Variants in FAAH2 observed in about 807,000 individuals in gnomAD.
The protein encoded by FAAH2 is fatty-acid amide hydrolase 2.
FAAH2 carries 60 observed loss-of-function variants against 36.9 expected under a neutral mutation model. That is an observed-to-expected ratio of 1.63 (90% CI 1.32 to 2.02). The LOEUF (loss-of-function observed/expected upper bound fraction) is 2.02, where lower values mean the gene tolerates loss of function less well. FAAH2 is among the 30% of genes most tolerant of loss of function. FAAH2 has a pLI of 0.00. For missense variants in FAAH2, 689 were observed against 397.5 expected (o/e 1.73, Z -6.23); for synonymous variants, 214 against 143.8 (o/e 1.49, Z -3.49).
intron 10 of FAAH2, 61 bp from the exon 11 acceptor site, chrX:57,488,696 G>GA (rs1167408180): frequency 1.6e-5 from 18 of 1,098,061 alleles, no homozygotes; most frequent in South Asian, 6.3e-5. Flanking sequence ...TAAAATAATT[G>GA]AAAAAATACG....
the FAAH2 span, among the ~76,000 whole-genome samples, chrX:57,218,807 C>T: frequency 9.0e-6 from 1 of 111,709 alleles, no homozygotes; most frequent in Non-Finnish European, 1.9e-5. Context: ...TGGTAGAATT[C>T]TGCTGTGAAT....
At chrX:57,237,456 T>G in the FAAH2 span, among the ~76,000 whole-genome samples, 1 of 111,414 alleles carries the variant, frequency 9.0e-6, no homozygotes, top group Non-Finnish European at 1.9e-5. Flanking sequence ...TAACTCAATT[T>G]TATACTATAT....
intron 8 of FAAH2, among the ~76,000 whole-genome samples, chrX:57,437,031 C>T (rs755641459): frequency 3.1e-4 from 34 of 110,495 alleles, no homozygotes; most frequent in African/African-American, 9.5e-4. Flanking sequence ...AGATAATACG[C>T]CATAAACAAG....
intron 7 of FAAH2, among the ~76,000 whole-genome samples, chrX:57,431,414 T>A (rs915091320): frequency 1.8e-5 from 2 of 111,804 alleles, no homozygotes; most frequent in Non-Finnish European, 3.8e-5. Context: ...TGCAATAGCT[T>A]CCACCACTGC....
At chrX:57,398,022 G>A (rs748610994) in intron 7 of FAAH2, among the ~76,000 whole-genome samples, 2 of 111,216 alleles carry the variant, frequency 1.8e-5, no homozygotes, top group Admixed American at 1.9e-4. Context: ...CCCTACAAAG[G>A]ACATGAACTC....
intron 5 of FAAH2, among the ~76,000 whole-genome samples, chrX:57,347,812 C>T (rs1303324971): frequency 9.2e-6 from 1 of 108,830 alleles, no homozygotes; most frequent in Non-Finnish European, 1.9e-5. Flanking sequence ...GGATTTTTGC[C>T]TTGGGTTTCT....
chrX:57,233,097 A>C, the FAAH2 span, among the ~76,000 whole-genome samples: 1 of 112,073 alleles, frequency 8.9e-6, no homozygotes, highest in East Asian at 2.8e-4. Context: ...AACCAGGTCT[A>C]TGGTATTATG....
At chrX:57,347,604 GTTTTTTTTTTTTTTTTTT>G (rs61323098) in intron 5 of FAAH2, among the ~76,000 whole-genome samples, 26 of 77,879 alleles carry the variant, frequency 3.3e-4, no homozygotes, top group African/African-American at 1.5e-3. Context: ...GGGATGCTAA[GTTTTTTTTTTTTTTTTTT>G]TTTTTTTTTT....
chrX:57,386,906 TA>T (rs1462663667), intron 7 of FAAH2, among the ~76,000 whole-genome samples: 13 of 112,069 alleles, frequency 1.2e-4, no homozygotes, highest in Admixed American at 1.1e-3. Flanking sequence ...AATAATAGTT[TA>T]AAATAGTCAC....
the FAAH2 span, among the ~76,000 whole-genome samples, chrX:57,234,807 G>A: frequency 8.9e-6 from 1 of 111,922 alleles, no homozygotes; most frequent in Non-Finnish European, 1.9e-5. Flanking sequence ...CAGCATTTGG[G>A]AGGCTGAGGT....
chrX:57,264,013 A>G, the FAAH2 span, among the ~76,000 whole-genome samples: 1 of 112,162 alleles, frequency 8.9e-6, no homozygotes, highest in African/African-American at 3.2e-5. Context: ...AAAATACTGA[A>G]ATACTAAACA....
intron 8 of FAAH2, among the ~76,000 whole-genome samples, chrX:57,433,035 G>A (rs1417763786): frequency 9.1e-6 from 1 of 109,754 alleles, no homozygotes; most frequent in Non-Finnish European, 1.9e-5. Context: ...AAACACTTTG[G>A]AAATCTCTCA....
chrX:57,488,977 G>T lies in FAAH2; in HGVS notation c.*45G>T, dbSNP rs780624039. On this transcript the variant is annotated 3_prime_UTR_variant, in exon 11 of 11. Transcript: ENST00000374900. ...AATGTGTGTGTGTGTTTGTGTTCGT[G>T]TGGTGGTGTTTCTATTAATTGGGTG... is the stretch of plus-strand genomic sequence containing the variant. 8.8e-7 allele frequency: 1 copy of T among 1,137,875 alleles called. No homozygotes were observed. Among genetic ancestry groups the T allele is most frequent in the Non-Finnish European group, 1.2e-6 (1 of 855,385 alleles). The allele number at this position is 1,137,875 out of a possible 1,213,427, so 93.8% of individuals were successfully genotyped here.
the FAAH2 span, among the ~76,000 whole-genome samples, chrX:57,200,930 G>T: frequency 1.8e-5 from 2 of 109,843 alleles, no homozygotes; most frequent in Non-Finnish European, 3.8e-5. Flanking sequence ...ACTCCCTTTG[G>T]CATTTCTCAT....
intron 7 of FAAH2, among the ~76,000 whole-genome samples, chrX:57,427,140 G>A (rs768917466): frequency 2.2e-3 from 248 of 110,587 alleles, no homozygotes; most frequent in African/African-American, 7.7e-3. Flanking sequence ...AAAACTAGAG[G>A]AAATGGATAA....
intron 2 of FAAH2, among the ~76,000 whole-genome samples, chrX:57,309,978 G>C (rs1167133711): frequency 1.8e-5 from 2 of 111,831 alleles, no homozygotes; most frequent in African/African-American, 3.2e-5. Flanking sequence ...TGGAATTTCT[G>C]GTTCTAGGTC....
At chrX:57,441,549 A>T (rs779614697) in intron 8 of FAAH2, among the ~76,000 whole-genome samples, 11 of 108,393 alleles carry the variant, frequency 1.0e-4, no homozygotes, top group Non-Finnish European at 1.7e-4. Flanking sequence ...TTTCAAAAAA[A>T]CCAGCTCCTG....
the FAAH2 span, among the ~76,000 whole-genome samples, chrX:57,278,766 C>A: frequency 9.0e-6 from 1 of 110,625 alleles, no homozygotes; most frequent in African/African-American, 3.3e-5. Context: ...AAGAAAAAAA[C>A]AAAAAAACAC....
intron 10 of FAAH2, among the ~76,000 whole-genome samples, chrX:57,456,730 A>AGAT (rs2056870392): frequency 9.0e-6 from 1 of 111,575 alleles, no homozygotes; most frequent in South Asian, 3.8e-4. Flanking sequence ...CAACCTTCCA[A>AGAT]GATAGAATCA....
Sources: allele counts gnomAD v4.1 joint callset (sites outside exome capture counted in the v4.1 genomes callset), GRCh38; gene constraint gnomAD v4.1.1; transcripts MANE v1.5; gene names NCBI Gene and HGNC (gene_info 2026-07-23, HGNC 2026-07-21).